Variants in GPC5 observed in about 807,000 individuals in gnomAD.
GPC5 encodes glypican-5.
In GPC5, 47 loss-of-function variants were observed where a neutral mutation model predicts 53.9. The observed-to-expected ratio is 0.87, with a 90% confidence interval of 0.69 to 1.11. The LOEUF (loss-of-function observed/expected upper bound fraction) is 1.11. Ranked by LOEUF, GPC5 falls within the 50% of genes most tolerant of loss-of-function variation. The probability of loss-of-function intolerance (pLI) is 0.00; values close to 1 mark genes in which losing one functional copy is unlikely to be tolerated. For missense variants in GPC5, 748 were observed against 713.1 expected (o/e 1.05, Z -0.56); for synonymous variants, 286 against 263.3 (o/e 1.09, Z -0.84).
chr13:91,564,101 TCAGTGACAG>T (rs2031418387), intron 2 of GPC5, among the ~76,000 whole-genome samples: 1 of 152,188 alleles, frequency 6.6e-6, no homozygotes, highest in South Asian at 2.1e-4. Flanking sequence ...AAAAACCATT[TCAGTGACAG>T]CACCCAATGC....
At chr13:92,091,750 A>AC (rs201646983) in intron 6 of GPC5, among the ~76,000 whole-genome samples, 2,180 of 114,900 alleles carry the variant, frequency 0.019, 55 homozygotes, top group African/African-American at 0.067. Flanking sequence ...CAAGAATTTC[A>AC]CCCCCCCACA....
intron 7 of GPC5, among the ~76,000 whole-genome samples, chr13:92,720,257 G>A (rs760488253): frequency 9.9e-5 from 15 of 152,118 alleles, no homozygotes; most frequent in Middle Eastern, 3.2e-3. Context: ...TTGAAGGGCT[G>A]CCCTTTAGTT....
At chr13:92,370,817 G>A (rs1016930269) in intron 7 of GPC5, among the ~76,000 whole-genome samples, 4 of 152,086 alleles carry the variant, frequency 2.6e-5, no homozygotes, top group African/African-American at 9.7e-5. Flanking sequence ...TCTTAAACAT[G>A]AAAACTTATA....
At chr13:92,118,095 T>C (rs1939350653) in intron 6 of GPC5, among the ~76,000 whole-genome samples, 1 of 152,156 alleles carries the variant, frequency 6.6e-6, no homozygotes, top group African/African-American at 2.4e-5. Flanking sequence ...TTTGTTTGTT[T>C]GTTTGTTTTG....
At chr13:92,849,700 G>A (rs1314216659) in intron 7 of GPC5, among the ~76,000 whole-genome samples, 2 of 152,158 alleles carry the variant, frequency 1.3e-5, no homozygotes, top group African/African-American at 4.8e-5. Context: ...ATATGCATAT[G>A]GGTTCAATAG....
intron 7 of GPC5, among the ~76,000 whole-genome samples, chr13:92,622,021 A>G (rs1249487813): frequency 2.6e-5 from 4 of 152,124 alleles, no homozygotes; most frequent in African/African-American, 9.7e-5. Flanking sequence ...TGCTTTCAGT[A>G]CCTTCTCATT....
intron 2 of GPC5, among the ~76,000 whole-genome samples, chr13:91,514,696 T>C (rs1255098114): frequency 6.6e-6 from 1 of 152,180 alleles, no homozygotes; most frequent in East Asian, 1.9e-4. Flanking sequence ...ATATGTACAA[T>C]ATTATACTTA....
chr13:91,761,772 A>G (rs1386949000), intron 5 of GPC5, among the ~76,000 whole-genome samples: 3 of 152,118 alleles, frequency 2.0e-5, no homozygotes, highest in African/African-American at 7.2e-5. Context: ...AGCTCTTTCA[A>G]CCTTGTCCTC....
chr13:92,572,663 A>T (rs1184992858), intron 7 of GPC5, among the ~76,000 whole-genome samples: 1 of 152,188 alleles, frequency 6.6e-6, no homozygotes, highest in Admixed American at 6.6e-5. Context: ...AAGACAATGA[A>T]AAAGAATTCT....
intron 7 of GPC5, among the ~76,000 whole-genome samples, chr13:92,829,493 A>G (rs1877974375): frequency 6.6e-6 from 1 of 152,288 alleles, no homozygotes; most frequent in Non-Finnish European, 1.5e-5. Context: ...ATTATTATGA[A>G]ATATTTGTTT....
intron 7 of GPC5, among the ~76,000 whole-genome samples, chr13:92,579,017 A>G (rs1039171079): frequency 2.0e-5 from 3 of 152,206 alleles, no homozygotes; most frequent in Non-Finnish European, 4.4e-5. Flanking sequence ...TAACTGCAAT[A>G]GTAGCTTCAC....
Position 92,537,448 on chromosome 13 carries a change from C to T in GPC5, c.1562-328834C>T, listed in dbSNP as rs566724281. Reference sequence around the variant, plus strand: ...TTTAATTTTTATGTGATTTGATCAACTCACAGACTATAAATTCCACTGTCA... The same window carrying T: ...TTTAATTTTTATGTGATTTGATCAATTCACAGACTATAAATTCCACTGTCA... On this transcript the variant is annotated intron_variant, in intron 7 of 7. Transcript: ENST00000377067. Among the ~76,000 whole-genome samples, 4 of 152,290 alleles carry T rather than the reference C, an allele frequency of 2.6e-5. No individual in the cohort carries two copies. In the East Asian group the frequency reaches 5.8e-4, roughly 22 times the overall value.
chr13:91,693,714 A>C lies in GPC5; in HGVS notation c.853A>C (p.Met285Leu). 6.2e-7 allele frequency: 1 copy of C among 1,614,196 alleles called. No individual in the cohort carries two copies. Among genetic ancestry groups the C allele is most frequent in the Non-Finnish European group, 8.5e-7 (1 of 1,180,024 alleles). ...TGTCATGCGAGGCTGCCTGGCGCAC[A>C]TGGCGGAGCTTAATCCACACTGGCA... ...LNVMRGCLAHMAELNPHWHAY... is the reference protein window; with the variant it reads ...LNVMRGCLAHLAELNPHWHAY... The change falls in exon 3 of 8, where the codon ATG (methionine) becomes CTG (leucine). Residue 285 changes from methionine (M) to leucine (L), a missense_variant. Transcript: ENST00000377067.
chr13:91,622,154 T>G (rs776432384), intron 2 of GPC5, among the ~76,000 whole-genome samples: 1 of 152,092 alleles, frequency 6.6e-6, no homozygotes, highest in Non-Finnish European at 1.5e-5. Context: ...TGAGGGTAGG[T>G]CTACCTCTCC....
At chr13:92,458,842 A>G (rs1878374769) in intron 7 of GPC5, among the ~76,000 whole-genome samples, 1 of 152,282 alleles carries the variant, frequency 6.6e-6, no homozygotes, top group East Asian at 1.9e-4. Flanking sequence ...TCACCATCAC[A>G]TTAATAAACA....
At chr13:92,342,401 A>G (rs747844836) in intron 7 of GPC5, among the ~76,000 whole-genome samples, 6 of 152,036 alleles carry the variant, frequency 3.9e-5, no homozygotes, top group Non-Finnish European at 8.8e-5. Flanking sequence ...ACCCATCCCC[A>G]ATATTGTGGC....
rs1876859340 is a variant in GPC5, at chr13:91,400,522, C to G, written c.163+1313C>G. Among the ~76,000 whole-genome samples, 6 of 152,116 alleles carry G rather than the reference C, an allele frequency of 3.9e-5. 1 individual carries two copies. The highest frequency in any genetic ancestry group is 2.6e-4 in the Admixed American group (4 of 15,270). Reference sequence around the variant, plus strand: ...TATCGCCTTATAGATCTGTATTTTTCTTAGTGCATTCTTTTCATTAGGAAA... The same window carrying G: ...TATCGCCTTATAGATCTGTATTTTTGTTAGTGCATTCTTTTCATTAGGAAA... On this transcript the variant is annotated intron_variant, in intron 1 of 7. Transcript: ENST00000377067.
At chr13:91,418,745 A>C (rs1878404247) in intron 1 of GPC5, among the ~76,000 whole-genome samples, 1 of 152,088 alleles carries the variant, frequency 6.6e-6, no homozygotes, top group Non-Finnish European at 1.5e-5. Flanking sequence ...TTTAAAAAAG[A>C]CCTTTCTGTT....
At chr13:91,887,558 T>G (rs2039338276) in intron 5 of GPC5, among the ~76,000 whole-genome samples, 1 of 152,330 alleles carries the variant, frequency 6.6e-6, no homozygotes, top group Admixed American at 6.5e-5. Context: ...GCTGCAAATT[T>G]TCCAAACCTT....
Sources: gnomAD v4.1 joint callset for allele counts (sites outside exome capture counted in the v4.1 genomes callset) on GRCh38, gnomAD v4.1.1 for gene constraint, MANE v1.5 for transcripts, NCBI Gene and HGNC (gene_info 2026-07-23, HGNC 2026-07-21) for gene names.